EYS: variants seen among roughly 807,000 people sequenced by gnomAD.
EYS encodes the protein protein eyes shut homolog.
In EYS, 250 loss-of-function variants were observed where a neutral mutation model predicts 282.1. The observed-to-expected ratio is 0.89, with a 90% CI of 0.80 to 0.98. The LOEUF (loss-of-function observed/expected upper bound fraction) is 0.98, where lower values mean the gene tolerates loss of function less well. Among genes scored for constraint, EYS ranks in the 50% least tolerant of loss-of-function variants. The pLI is 0.00. For missense variants in EYS, 4,016 were observed against 3,709.0 expected (o/e 1.08, Z -2.15); for synonymous variants, 1,355 against 1,282.9 (o/e 1.06, Z -1.20).
At chr6:65,162,284 C>T (rs1164627503) in intron 12 of EYS, among the ~76,000 whole-genome samples, 1 of 151,158 alleles carries the variant, frequency 6.6e-6, no homozygotes, top group African/African-American at 2.4e-5. Context: ...CTTTTGAAAG[C>T]AATGATTCTG....
chr6:64,706,108 GGCACAAAAATAA>G (rs1170113410), intron 22 of EYS, among the ~76,000 whole-genome samples: 2 of 150,986 alleles, frequency 1.3e-5, no homozygotes, highest in African/African-American at 2.4e-5. Context: ...GCATGATACT[GGCACAAAAATAA>G]GCACATAGAT....
chr6:63,906,427 G>T (rs1773780763), intron 35 of EYS, among the ~76,000 whole-genome samples: 2 of 152,132 alleles, frequency 1.3e-5, no homozygotes, highest in Non-Finnish European at 2.9e-5. Context: ...TTTATACCTT[G>T]CTTCTCATCT....
chr6:64,309,830 T>C (rs1385141573), intron 29 of EYS, among the ~76,000 whole-genome samples: 3 of 151,868 alleles, frequency 2.0e-5, no homozygotes, highest in Admixed American at 6.6e-5. Context: ...CTGGGCATGG[T>C]GGTGCACACC....
chr6:63,953,239 C>T (rs553031954), intron 35 of EYS, among the ~76,000 whole-genome samples: 44 of 152,248 alleles, frequency 2.9e-4, no homozygotes, highest in African/African-American at 9.6e-4. Context: ...GCTGTACTGC[C>T]GCAAGGCTTC....
chr6:64,108,492 A>G (rs1216530896), intron 31 of EYS, among the ~76,000 whole-genome samples: 3 of 146,762 alleles, frequency 2.0e-5, no homozygotes, highest in Admixed American at 1.4e-4. Flanking sequence ...ACTGGAAATC[A>G]GAAGTCCACT....
At chr6:65,670,944 A>G (rs188832387) in intron 1 of EYS, among the ~76,000 whole-genome samples, 8 of 152,142 alleles carry the variant, frequency 5.3e-5, no homozygotes, top group African/African-American at 1.9e-4. Context: ...TTAACAACCC[A>G]TCTTTTAAAG....
At chr6:64,452,473 A>T (rs927779829) in intron 26 of EYS, among the ~76,000 whole-genome samples, 3 of 152,316 alleles carry the variant, frequency 2.0e-5, no homozygotes, top group African/African-American at 7.2e-5. Context: ...CTATCAAGCT[A>T]CCAATGGCTT....
chr6:64,105,315 T>G (rs2150261811), intron 31 of EYS, among the ~76,000 whole-genome samples: 1 of 152,258 alleles, frequency 6.6e-6, no homozygotes, highest in African/African-American at 2.4e-5. Context: ...ACTTTATTTA[T>G]TAGAGTATTA....
chr6:65,060,674 G>C lies in EYS; in HGVS notation c.2024-2947C>G, dbSNP rs1013157806. Among the ~76,000 whole-genome samples, 129 of 151,524 alleles carry C rather than the reference G, an allele frequency of 8.5e-4. 1 individual carries two copies. The highest frequency in any genetic ancestry group is 3.0e-3 in the African/African-American group (123 of 41,390). Reference sequence around the variant, plus strand: ...CAGGTATCCTCTGCCTATTCTTTCTGGGTACAGGTTAGCACAACACTTTTC... The same window carrying C: ...CAGGTATCCTCTGCCTATTCTTTCTCGGTACAGGTTAGCACAACACTTTTC... On this transcript the variant is annotated intron_variant, in intron 12 of 42. Coordinates refer to ENST00000503581, the MANE Select transcript of EYS (RefSeq NM_001142800.2).
intron 12 of EYS, among the ~76,000 whole-genome samples, chr6:65,183,005 G>C (rs1234665055): frequency 6.6e-6 from 1 of 151,802 alleles, no homozygotes; most frequent in East Asian, 1.9e-4. Context: ...TGCCCATGCT[G>C]GTCTCAAACT....
chr6:65,049,337 T>C (rs955007553), intron 13 of EYS, among the ~76,000 whole-genome samples: 2 of 151,816 alleles, frequency 1.3e-5, no homozygotes, highest in African/African-American at 4.8e-5. Flanking sequence ...CAGGTTCTTT[T>C]GCCTCTGCTC....
chr6:64,300,675 T>A (rs1769202637), intron 30 of EYS, among the ~76,000 whole-genome samples: 2 of 152,240 alleles, frequency 1.3e-5, no homozygotes, highest in Admixed American at 6.5e-5. Context: ...AGGTTTTGCA[T>A]GACCTACGTG....
At chr6:63,947,530 T>C (rs1002903382) in intron 35 of EYS, among the ~76,000 whole-genome samples, 1 of 152,154 alleles carries the variant, frequency 6.6e-6, no homozygotes, top group Non-Finnish European at 1.5e-5. Context: ...AAAAGATCTG[T>C]AATTTACCTA....
chr6:65,134,704 G>C (rs1021774562), intron 12 of EYS, among the ~76,000 whole-genome samples: 3 of 151,878 alleles, frequency 2.0e-5, no homozygotes, highest in African/African-American at 7.3e-5. Flanking sequence ...TATGACATGA[G>C]TTTACCTATA....
At chr6:65,203,197 T>C (rs759549918) in intron 12 of EYS, among the ~76,000 whole-genome samples, 6 of 152,176 alleles carry the variant, frequency 3.9e-5, no homozygotes, top group Non-Finnish European at 8.8e-5. Flanking sequence ...TCAAACTGCA[T>C]GGCCCATCAC....
chr6:64,692,203 G>A (rs987305825), intron 22 of EYS, among the ~76,000 whole-genome samples: 1 of 152,152 alleles, frequency 6.6e-6, no homozygotes, highest in Admixed American at 6.6e-5. Context: ...TCTAATGTGA[G>A]ATAATATCTC....
At chr6:65,011,327 C>A (rs1426224626) in intron 13 of EYS, among the ~76,000 whole-genome samples, 1 of 152,212 alleles carries the variant, frequency 6.6e-6, no homozygotes, top group Admixed American at 6.5e-5. Context: ...TAATCCCCTG[C>A]ATTGCAGGCC....
At chr6:64,289,053 T>C (rs763860653) in intron 30 of EYS, among the ~76,000 whole-genome samples, 4 of 152,098 alleles carry the variant, frequency 2.6e-5, no homozygotes, top group Admixed American at 1.3e-4. Flanking sequence ...AAAATGCATA[T>C]CTTAACCCTG....
chr6:65,644,373 A>G (rs998477795), intron 1 of EYS, among the ~76,000 whole-genome samples: 9 of 152,210 alleles, frequency 5.9e-5, no homozygotes, highest in African/African-American at 2.2e-4. Flanking sequence ...AAGACAAAAA[A>G]GTAATAAATA....
Sources: gnomAD v4.1 joint callset for allele counts (sites outside exome capture counted in the v4.1 genomes callset) on GRCh38, gnomAD v4.1.1 for gene constraint, MANE v1.5 for transcripts, NCBI Gene and HGNC (gene_info 2026-07-23, HGNC 2026-07-21) for gene names.